CDH13: variants seen among roughly 807,000 people sequenced by gnomAD.
CDH13 encodes cadherin 13.
Under a neutral mutation model 63.8 loss-of-function variants are expected in CDH13, and 24 were observed. The observed-to-expected ratio is 0.38, with a 90% confidence interval of 0.27 to 0.53. CDH13 has a LOEUF of 0.53. CDH13 is among the 20% of genes least tolerant of loss of function. The pLI is 0.85. For synonymous variants in CDH13, 503 were observed against 355.3 expected, an observed-to-expected ratio of 1.42 and a Z score of -4.67; for missense variants, 1,049 against 903.1, an observed-to-expected ratio of 1.16 and a Z score of -2.07.
chr16:83,086,077 A>G (rs1413628870), intron 3 of CDH13, among the ~76,000 whole-genome samples: 1 of 152,210 alleles, frequency 6.6e-6, no homozygotes. Flanking sequence ...GGGCCTTTGC[A>G]TGTACCCCAT....
At chr16:82,684,356 A>C (rs16958248) in intron 1 of CDH13, among the ~76,000 whole-genome samples, 13,369 of 152,174 alleles carry the variant, frequency 0.088, 813 homozygotes, top group East Asian at 0.28. Flanking sequence ...AGATAACATC[A>C]TGTGTCTACA....
intron 1 of CDH13, among the ~76,000 whole-genome samples, chr16:82,690,377 ACTTGG>A (rs1915528209): frequency 6.6e-6 from 1 of 152,074 alleles, no homozygotes; most frequent in Non-Finnish European, 1.5e-5. Flanking sequence ...TAAATGAAGA[ACTTGG>A]CTTGGACACA....
intron 6 of CDH13, among the ~76,000 whole-genome samples, chr16:83,428,426 T>C (rs554968981): frequency 6.6e-6 from 1 of 152,300 alleles, no homozygotes; most frequent in South Asian, 2.1e-4. Context: ...TGTTTGTTTT[T>C]CCATTGACAA....
At position 83,015,657 on chromosome 16, in the gene CDH13, A is replaced by ATATG. The variant is rs1555562836; in HGVS notation, c.158-16352_158-16351insATGT. Reference sequence around the variant, plus strand: ...CCATATGCTTCAGCTTGCAGCATATATGTGTGTGTGTGTGTGTATGTATAT... The same window carrying ATATG: ...CCATATGCTTCAGCTTGCAGCATATATATGTGTGTGTGTGTGTGTGTATGTATAT... On this transcript the variant is annotated intron_variant, in intron 2 of 13. Coordinates refer to ENST00000567109, the MANE Select transcript of CDH13 (RefSeq NM_001257.5). Among the ~76,000 whole-genome samples, 6 of 82,078 alleles carry ATATG rather than the reference A, an allele frequency of 7.3e-5. No individual in the cohort carries two copies. The East Asian group carries it at 2.5e-3, about 34-fold the overall frequency. 53.8% of individuals were successfully genotyped at this position (82,078 alleles called of 152,430 possible).
At chr16:83,249,400 C>T (rs1197525673) in intron 5 of CDH13, among the ~76,000 whole-genome samples, 2 of 152,206 alleles carry the variant, frequency 1.3e-5, no homozygotes, top group Non-Finnish European at 2.9e-5. Context: ...CTTCACAGAG[C>T]TGGTGGTTAA....
At chr16:83,273,037 G>A (rs936947382) in intron 5 of CDH13, among the ~76,000 whole-genome samples, 12 of 152,146 alleles carry the variant, frequency 7.9e-5, no homozygotes, top group Admixed American at 5.9e-4. Context: ...CTACACAACA[G>A]GCTTTTGTTT....
At chr16:82,760,858 G>A (rs941778898) in intron 1 of CDH13, among the ~76,000 whole-genome samples, 1 of 151,682 alleles carries the variant, frequency 6.6e-6, no homozygotes, top group African/African-American at 2.4e-5. Context: ...GAAGTGCCAG[G>A]CCCTTTTCAA....
At position 82,871,821 on chromosome 16, in the gene CDH13, A is replaced by G. The variant is rs143582358; in HGVS notation, c.157+13348A>G. ...TTTGCTTTCTATAATATTGATCTCA[A>G]TCTTCACTCTCAGAGGGTTTCCCTC... On this transcript the variant is annotated intron_variant, in intron 2 of 13. Coordinates refer to ENST00000567109, the MANE Select transcript of CDH13 (RefSeq NM_001257.5). Among the ~76,000 whole-genome samples the G allele has an allele frequency of 4.0e-3, 603 of 152,248 alleles. 4 individuals are homozygous for G. Among genetic ancestry groups the G allele is most frequent in the African/African-American group, 0.014 (575 of 41,554 alleles).
chr16:83,104,995 T>C (rs1007372613), intron 3 of CDH13, among the ~76,000 whole-genome samples: 5 of 152,208 alleles, frequency 3.3e-5, no homozygotes, highest in Non-Finnish European at 5.9e-5. Flanking sequence ...TTTCTCTCTC[T>C]CTTTTGGCAT....
intron 2 of CDH13, among the ~76,000 whole-genome samples, chr16:82,992,897 G>A (rs1302615181): frequency 2.0e-5 from 3 of 152,152 alleles, no homozygotes; most frequent in African/African-American, 4.8e-5. Context: ...GCATGTCCTT[G>A]GCTAGAGAAG....
At chr16:82,730,450 A>G (rs1436638284) in intron 1 of CDH13, among the ~76,000 whole-genome samples, 1 of 152,178 alleles carries the variant, frequency 6.6e-6, no homozygotes, top group Non-Finnish European at 1.5e-5. Context: ...GTGGAGCAGT[A>G]AGGCCATACA....
chr16:83,417,526 C>G (rs969593009), intron 6 of CDH13, among the ~76,000 whole-genome samples: 1 of 152,182 alleles, frequency 6.6e-6, no homozygotes, highest in African/African-American at 2.4e-5. Flanking sequence ...ATCCTGCTCA[C>G]TGACACCTCA....
chr16:83,040,714 G>A (rs890665531), intron 3 of CDH13, among the ~76,000 whole-genome samples: 1 of 152,084 alleles, frequency 6.6e-6, no homozygotes, highest in Non-Finnish European at 1.5e-5. Context: ...AAACACCGGG[G>A]AACAATATTT....
rs952759335 is a variant in CDH13, at chr16:82,710,621, T to G, written c.45+83484T>G. Among the ~76,000 whole-genome samples, 932 of 142,482 alleles carry G rather than the reference T, an allele frequency of 6.5e-3. 8 individuals carry two copies. The highest frequency in any genetic ancestry group is 0.011 in the Non-Finnish European group (707 of 65,490). The allele number at this position is 142,482 out of a possible 152,430, so 93.5% of individuals were successfully genotyped here. A position where few individuals can be genotyped will look rare whatever the true frequency, so the allele number is the denominator to read the frequency against. The stretch of plus-strand genomic sequence containing the variant: ...TAAAATATATAAAGTATATATGATA[T>G]ACAAATATATTTACATATAATATAA... On this transcript the variant is annotated intron_variant, in intron 1 of 13. Transcript: ENST00000567109.
chr16:82,638,685 A>G (rs567146028), intron 1 of CDH13, among the ~76,000 whole-genome samples: 7 of 152,110 alleles, frequency 4.6e-5, no homozygotes, highest in Non-Finnish European at 7.4e-5. Context: ...GGATTTGCCA[A>G]TTCCCATATT....
intron 10 of CDH13, 32 bp downstream of exon 10, chr16:83,678,493 AG>A: frequency 6.2e-7 from 1 of 1,612,262 alleles, no homozygotes. Context: ...CACAGACGGG[AG>A]GTGGGCAGGA....
At chr16:83,535,351 GTTGA>G (rs2151638321) in intron 7 of CDH13, among the ~76,000 whole-genome samples, 1 of 152,376 alleles carries the variant, frequency 6.6e-6, no homozygotes, top group East Asian at 1.9e-4. Flanking sequence ...GGAGTGATAA[GTTGA>G]TTGGCATTTT....
chr16:83,485,541 A>T (rs948716401), intron 6 of CDH13, among the ~76,000 whole-genome samples: 1 of 152,312 alleles, frequency 6.6e-6, no homozygotes, highest in African/African-American at 2.4e-5. Context: ...GTAGGTACAC[A>T]TTAGTGTTTG....
intron 2 of CDH13, among the ~76,000 whole-genome samples, chr16:82,892,423 A>G (rs975209647): frequency 2.6e-5 from 4 of 152,172 alleles, no homozygotes; most frequent in African/African-American, 9.7e-5. Context: ...ATGGACAAAG[A>G]TTTTCCTTCA....
Sources: allele counts gnomAD v4.1 joint callset (sites outside exome capture counted in the v4.1 genomes callset), GRCh38; gene constraint gnomAD v4.1.1; transcripts MANE v1.5; gene names NCBI Gene and HGNC (gene_info 2026-07-23, HGNC 2026-07-21).